The following TFIP11 variants were observed in gnomAD, a reference collection of about 807,000 sequenced individuals.
The protein encoded by TFIP11 is tuftelin interacting protein 11, also known as tuftelin-interacting protein 11.
TFIP11 carries 86 observed loss-of-function variants against 96.8 expected under a neutral mutation model. The ratio of observed to expected loss-of-function variants is 0.89; its 90% confidence interval spans 0.75 to 1.06. The LOEUF (loss-of-function observed/expected upper bound fraction) is 1.06, where lower values mean the gene tolerates loss of function less well. TFIP11 is among the 50% of genes least tolerant of loss of function. The probability of loss-of-function intolerance (pLI) is 0.00; values close to 1 mark genes in which losing one functional copy is unlikely to be tolerated. For missense variants in TFIP11, 881 were observed against 1,076.7 expected, an observed-to-expected ratio of 0.82 and a Z score of 2.54; for synonymous variants, 405 against 395.2, an observed-to-expected ratio of 1.02 and a Z score of -0.29.
At chr22:26,507,067 TTA>T (rs1923511195) in intron 4 of TFIP11, 139 bp from the exon 5 acceptor site, 1 of 1,083,554 alleles carries the variant, frequency 9.2e-7, no homozygotes, top group African/African-American at 1.6e-5. Flanking sequence ...AACACATTTT[TTA>T]ATGTGTCAAA....
At chr22:26,503,818 A>C (rs76725470) in intron 6 of TFIP11, 25 bp from the exon 7 acceptor site, 1 of 1,609,366 alleles carries the variant, frequency 6.2e-7, no homozygotes, top group Non-Finnish European at 8.5e-7. Context: ...CAAAAAAAAA[A>C]GAGAGTCTTA....
chr22:26,496,662 A>G (rs2147126068), intron 11 of TFIP11, 59 bp downstream of exon 11: 1 of 1,582,576 alleles, frequency 6.3e-7, no homozygotes, highest in Non-Finnish European at 8.6e-7. Context: ...ATGAAGCCAC[A>G]GACTGAACAA....
Position 26,506,942 on chromosome 22 carries a change from A to T in TFIP11, c.210-14T>A, listed in dbSNP as rs766394833. On this transcript the variant is annotated splice_polypyrimidine_tract_variant and intron_variant, in intron 4 of 14. Coordinates refer to ENST00000407690, the MANE Select transcript of TFIP11 (RefSeq NM_012143.4). ...TAGTCACGGGCCCTGTAGGCACAGA[A>T]ACAAAGCCCCACCAGGTCGGTAAAG... 6.2e-7 allele frequency: 1 copy of T among 1,612,488 alleles called. No homozygotes were observed. The highest frequency in any genetic ancestry group is 1.1e-5 in the South Asian group (1 of 91,024).
At chr22:26,502,175 T>A in intron 7 of TFIP11, 123 bp from the exon 8 acceptor site, 1 of 1,252,592 alleles carries the variant, frequency 8.0e-7, no homozygotes, top group Non-Finnish European at 1.1e-6. Flanking sequence ...AAGCTCTATA[T>A]GAAGGAAGGA....
chr22:26,495,853 C>T (rs1921947259), intron 12 of TFIP11, among the ~76,000 whole-genome samples: 1 of 152,114 alleles, frequency 6.6e-6, no homozygotes, highest in Admixed American at 6.5e-5. Flanking sequence ...GATATTGTCA[C>T]TGTCGACTAT....
chr22:26,495,186 T>TC (rs920306840), intron 12 of TFIP11, among the ~76,000 whole-genome samples: 3 of 146,296 alleles, frequency 2.1e-5, no homozygotes, highest in African/African-American at 7.5e-5. Context: ...GGTCTCAAAC[T>TC]CCTGGTCTCA....
In TFIP11 at chr22:26,496,769, G is replaced by C; in HGVS notation, c.1557C>G (p.Ile519Met). Residue 519 changes from isoleucine to methionine, a missense_variant, in exon 11 of 15, where the codon ATC becomes ATG. Ile to Met is a conservative substitution (Grantham distance 10). Coordinates refer to ENST00000407690, the MANE Select transcript of TFIP11 (RefSeq NM_012143.4). ...TGAGTTGGTCCAGTATGTTATCTAA[G>C]ATCCACACAGGAATAATGTGCACCC... Reference protein sequence around the residue: ...DSWVHIIPVWILDNILDQLIF... With the variant: ...DSWVHIIPVWMLDNILDQLIF... 2 of 1,614,122 alleles carry C rather than the reference G, an allele frequency of 1.2e-6. No homozygotes were observed. Among genetic ancestry groups the C allele is most frequent in the African/African-American group, 1.3e-5 (1 of 75,016 alleles).
chr22:26,510,953 T>C (rs1923980142), intron 2 of TFIP11, among the ~76,000 whole-genome samples: 1 of 152,196 alleles, frequency 6.6e-6, no homozygotes, highest in African/African-American at 2.4e-5. Context: ...AGAGAAGGCT[T>C]ACAAAGCAAA....
At chr22:26,503,814 A>G in intron 6 of TFIP11, 21 bp from the exon 7 acceptor site, 1 of 1,610,686 alleles carries the variant, frequency 6.2e-7, no homozygotes, top group Non-Finnish European at 8.5e-7. Context: ...TCAGCAAAAA[A>G]AAAAGAGAGT....
Position 26,510,058 on chromosome 22 carries a change from C to A in TFIP11, c.209+6G>T. The A allele has an allele frequency of 1.9e-6, 3 of 1,612,862 alleles. No homozygotes were observed. Among genetic ancestry groups the A allele is most frequent in the South Asian group, 1.1e-5 (1 of 91,012 alleles). On this transcript the variant is annotated splice_donor_region_variant and intron_variant, in intron 4 of 14. Coordinates refer to ENST00000407690, the MANE Select transcript of TFIP11 (RefSeq NM_012143.4). ...AAGGTGAAGCAGCCCCCATGCCAGG[C>A]AATACCGTTTGCCTCCAAAGCTGGG...
rs532889276 is a variant in TFIP11, at chr22:26,496,851, A to G, written c.1475T>C (p.Ile492Thr). 9.9e-6 allele frequency: 16 copies of G among 1,614,180 alleles called. 1 individual carries two copies. The African/African-American group carries it at 1.3e-4, about 13-fold the overall frequency. Reference protein sequence around the residue: ...WEVWMPFVRNIVTQWQPRNCD... With the variant: ...WEVWMPFVRNTVTQWQPRNCD... ...GTTCCTTGGCTGCCACTGGGTGACA[A>G]TATTTCGAACAAAAGGCATCCAGAC... is the stretch of plus-strand genomic sequence containing the variant. The change falls in exon 11 of 15, where the codon ATT becomes ACT. Residue 492 changes from isoleucine (I) to threonine (T), a missense_variant. Coordinates refer to ENST00000407690, the MANE Select transcript of TFIP11 (RefSeq NM_012143.4).
rs1024086601 is a variant in TFIP11, at chr22:26,492,110, C to T, written c.2417G>A (p.Arg806His). 2 of 1,613,982 alleles carry T rather than the reference C, an allele frequency of 1.2e-6. No homozygotes were observed. The highest frequency in any genetic ancestry group is 3.3e-4 in the Middle Eastern group (2 of 6,062). ...HEGKQLYTFG[R>H]IVIYIDRGVV... ...TCCCCGGTCGATGTAGATCACAATGCGGCCAAAGGTGTAGAGCTGCTTCCC... is the reference window on the plus strand; with the variant it reads ...TCCCCGGTCGATGTAGATCACAATGTGGCCAAAGGTGTAGAGCTGCTTCCC... The change falls in exon 15 of 15, where the codon CGC becomes CAC. Residue 806 changes from arginine to histidine, a missense_variant. Arg to His is a conservative substitution (Grantham distance 29, BLOSUM62 0). Transcript: ENST00000407690.
In TFIP11 at chr22:26,491,486, T is replaced by G. The variant is rs200246318; in HGVS notation, c.*527A>C. The G allele has an allele frequency of 6.8e-6, 11 of 1,613,478 alleles. No individual in the cohort carries two copies. In the African/African-American group the frequency reaches 1.5e-4, roughly 22 times the overall value. Reference sequence around the variant, plus strand: ...AGATTTTAAAAGGACTGGAGGAGCTTGAGTTTCCTCAGACTTCACAATACA... The same window carrying G: ...AGATTTTAAAAGGACTGGAGGAGCTGGAGTTTCCTCAGACTTCACAATACA... On this transcript the variant is annotated 3_prime_UTR_variant, in exon 15 of 15. Coordinates refer to ENST00000407690, the MANE Select transcript of TFIP11 (RefSeq NM_012143.4).
At chr22:26,506,995 G>A in intron 4 of TFIP11, 67 bp from the exon 5 acceptor site, 1 of 1,561,014 alleles carries the variant, frequency 6.4e-7, no homozygotes, top group Non-Finnish European at 8.7e-7. Context: ...CGATCCTTTT[G>A]CAGAAACTAC....
chr22:26,492,391 G>C, intron 14 of TFIP11, 23 bp from the exon 15 acceptor site: 1 of 1,604,604 alleles, frequency 6.2e-7, no homozygotes, highest in East Asian at 2.2e-5. Flanking sequence ...AGGACAGGGC[G>C]GTGAGGAGAG....
At chr22:26,501,796 A>G in intron 8 of TFIP11, 104 bp downstream of exon 8, 1 of 734,108 alleles carries the variant, frequency 1.4e-6, no homozygotes, top group Non-Finnish European at 1.9e-6. Context: ...AAAAAAAAAA[A>G]AAAAAAAAAA....
At chr22:26,500,461 G>A (rs373326876) in intron 8 of TFIP11, among the ~76,000 whole-genome samples, 2 of 152,090 alleles carry the variant, frequency 1.3e-5, no homozygotes, top group African/African-American at 2.4e-5. Flanking sequence ...GAGCCACTGC[G>A]CCCAGCCTTT....
Position 26,496,278 on chromosome 22 carries a change from G to T in TFIP11, c.1644C>A (p.Ile548=), listed in dbSNP as rs1283519029. Residue 548 remains isoleucine (I), a synonymous_variant, in exon 12 of 15, where the codon ATC becomes ATA. Transcript: ENST00000407690. The part of the protein sequence containing the change: ...NWNPLTDTVP[I]HSWIHPWLPL... ...GCAGCCATGGGTGGATCCAAGAGTG[G>T]ATGGGAACAGTGTCTGTGAGCGGGT... The T allele has an allele frequency of 1.2e-6, 2 of 1,611,180 alleles. No homozygotes were observed. The highest frequency in any genetic ancestry group is 8.5e-7 in the Non-Finnish European group (1 of 1,177,898).
At chr22:26,511,569 A>G (rs551919873) in intron 2 of TFIP11, 1 of 152,226 alleles carries the variant, frequency 6.6e-6, no homozygotes, top group South Asian at 2.1e-4. Flanking sequence ...CCTGAGTTCA[A>G]ATTCAACTCT....
Sources: gnomAD v4.1 joint callset for allele counts (sites outside exome capture counted in the v4.1 genomes callset) on GRCh38, gnomAD v4.1.1 for gene constraint, MANE v1.5 for transcripts, NCBI Gene and HGNC (gene_info 2026-07-23, HGNC 2026-07-21) for gene names.